The following ATXN7L3 variants were observed in gnomAD, a reference collection of about 807,000 sequenced individuals.
ATXN7L3 encodes the protein ataxin-7-like protein 3.
In ATXN7L3, 6 loss-of-function variants were observed where a neutral mutation model predicts 50.0. The ratio of observed to expected loss-of-function variants is 0.12; its 90% CI spans 0.07 to 0.24. The LOEUF (loss-of-function observed/expected upper bound fraction) is 0.24. Ranked by LOEUF, ATXN7L3 falls within the 10% of genes least tolerant of loss-of-function variation. The pLI, the probability that ATXN7L3 is intolerant of heterozygous loss-of-function variation, is 1.00. For synonymous variants in ATXN7L3, 198 were observed against 165.8 expected, an observed-to-expected ratio of 1.19 and a Z score of -1.49; for missense variants, 322 against 451.3, an observed-to-expected ratio of 0.71 and a Z score of 2.60.
rs1374024496 is a variant in ATXN7L3, at chr17:44,192,478, C to T, written c.*1785G>A. 6.6e-6 allele frequency: 1 copy of T among 152,154 alleles called. No homozygotes were observed. Among genetic ancestry groups the T allele is most frequent in the African/African-American group, 2.4e-5 (1 of 41,426 alleles). The allele number at this position is 152,154 out of a possible 1,614,324, so 9.4% of individuals were successfully genotyped here. ...CTCAGAAGGGAGAGTGGCCCACAGC[C>T]TTCCTCCCTTCACCTTCAGCCCACT... On this transcript the variant is annotated 3_prime_UTR_variant, in exon 13 of 13. Transcript: ENST00000587097.
rs1169503999 is a variant in ATXN7L3 at position 44,199,875 on chromosome 17, G to A, written c.-440C>T. 1 of 149,076 alleles carries A rather than the reference G, an allele frequency of 6.7e-6. No homozygotes were observed. Among genetic ancestry groups the A allele is most frequent in the East Asian group, 2.0e-4 (1 of 4,908 alleles). The allele number at this position is 149,076 out of a possible 1,614,324, so 9.2% of individuals were successfully genotyped here. ...CGACCGGAGGATGGATGGATGGAGC[G>A]AGCGTGAACGCGAGCGTGCGCGCGC... On this transcript the variant is annotated 5_prime_UTR_variant, in exon 1 of 13. Coordinates refer to ENST00000587097, the MANE Select transcript of ATXN7L3 (RefSeq NM_001382309.1).
chr17:44,195,761 G>C, intron 8 of ATXN7L3, 39 bp downstream of exon 8: 3 of 1,569,240 alleles, frequency 1.9e-6, no homozygotes, highest in Non-Finnish European at 2.6e-6. Flanking sequence ...CTCACAACCA[G>C]GACAATGAGA....
chr17:44,197,410 G>A lies in ATXN7L3; in HGVS notation c.185-11C>T, dbSNP rs2055947340. ...GCTGGTCCACGATCTCTGGGGACAG[G>A]AGAGGCTGGCGATCAGGGTGGGCAG... On this transcript the variant is annotated splice_polypyrimidine_tract_variant and intron_variant, in intron 3 of 12. Coordinates refer to ENST00000587097, the MANE Select transcript of ATXN7L3 (RefSeq NM_001382309.1). 6.3e-7 allele frequency: 1 copy of A among 1,587,132 alleles called. No homozygotes were observed. Among genetic ancestry groups the A allele is most frequent in the African/African-American group, 1.3e-5 (1 of 74,496 alleles).
intron 1 of ATXN7L3, chr17:44,198,463 C>CTTG (rs1328371341): frequency 5.0e-6 from 1 of 199,356 alleles, no homozygotes; most frequent in Non-Finnish European, 1.0e-5. Flanking sequence ...AACTCCAAGG[C>CTTG]CTCAAAGCAA....
At chr17:44,194,461 G>A (rs373510314) in intron 12 of ATXN7L3, 50 bp from the exon 13 acceptor site, 21 of 1,613,194 alleles carry the variant, frequency 1.3e-5, no homozygotes, top group Admixed American at 6.7e-5. Context: ...GGCAGGAGAG[G>A]TGGCACCCCC....
At position 44,193,719 on chromosome 17, in the gene ATXN7L3, C is replaced by T. The variant is rs1330805986; in HGVS notation, c.*544G>A. The T allele has an allele frequency of 6.5e-6, 1 of 154,974 alleles. No individual in the cohort carries two copies. Among genetic ancestry groups the T allele is most frequent in the Non-Finnish European group, 1.4e-5 (1 of 69,874 alleles). 9.6% of individuals were successfully genotyped at this position (154,974 alleles called of 1,614,324 possible). On this transcript the variant is annotated 3_prime_UTR_variant, in exon 13 of 13. Coordinates refer to ENST00000587097, the MANE Select transcript of ATXN7L3 (RefSeq NM_001382309.1). ...CACCTCAGCAGACAGCACTCTGTGC[C>T]TGCCTACCCCTGGGACTGGGGGCAT...
At chr17:44,195,574 CCTTT>C (rs1417349143) in intron 8 of ATXN7L3, 87 bp from the exon 9 acceptor site, 10 of 1,420,408 alleles carry the variant, frequency 7.0e-6, no homozygotes, top group Admixed American at 6.9e-5. Context: ...CCCTCTGGTC[CCTTT>C]CTAAGTGAGG....
At chr17:44,197,939 C>G in intron 2 of ATXN7L3, 81 bp downstream of exon 2, 1 of 1,554,208 alleles carries the variant, frequency 6.4e-7, no homozygotes, top group Non-Finnish European at 8.9e-7. Flanking sequence ...TACCCAAATT[C>G]CTCTTTGGTG....
chr17:44,196,226 T>TCCCCCCCCCCCCCCAGGCCCCC, intron 6 of ATXN7L3, 147 bp from the exon 7 acceptor site: 1 of 737,704 alleles, frequency 1.4e-6, no homozygotes, highest in Non-Finnish European at 2.1e-6. Flanking sequence ...CCATGTGCCC[T>TCCCCCCCCCCCCCCAGGCCCCC]CCCCCACCCC....
rs1292541545 is a variant in ATXN7L3 at position 44,199,692 on chromosome 17, CTCCCT to C, written c.-262_-258del. On this transcript the variant is annotated 5_prime_UTR_variant, in exon 1 of 13. Transcript: ENST00000587097. ...CACCGGGCGGCCATGGCCCCTTCCCCTCCCTTCTTGTCCCGTCGCCGCCTCCTCCT... is the reference window on the plus strand; with the variant it reads ...CACCGGGCGGCCATGGCCCCTTCCCCTCTTGTCCCGTCGCCGCCTCCTCCT... The C allele has an allele frequency of 6.9e-6, 1 of 143,958 alleles. No individual in the cohort carries two copies. Among genetic ancestry groups the C allele is most frequent in the Non-Finnish European group, 1.6e-5 (1 of 64,406 alleles). The allele number at this position is 143,958 out of a possible 1,614,324, so 8.9% of individuals were successfully genotyped here. A position where few individuals can be genotyped will look rare whatever the true frequency, so the allele number is the denominator to read the frequency against.
chr17:44,196,195 C>A (rs1433007161), intron 6 of ATXN7L3, 116 bp from the exon 7 acceptor site: 1 of 1,340,356 alleles, frequency 7.5e-7, no homozygotes, highest in Non-Finnish European at 1.1e-6. Context: ...ACTCTTCCTC[C>A]CCAGTAGGAG....
Position 44,194,662 on chromosome 17 carries a change from C to T in ATXN7L3, c.750G>A (p.Glu250=), listed in dbSNP as rs1439974298. Residue 250 remains glutamate (E), a synonymous_variant, in exon 12 of 13, where the codon GAG becomes GAA. Transcript: ENST00000587097. ...YFLGPSAVLP[E]VESSLDNDSF... is the part of the protein sequence containing the mutation. The stretch of plus-strand genomic sequence containing the variant: ...TGTCATTATCCAGGGAGCTCTCGAC[C>T]TCTGGAAGGACACTGGAAAGGGGAT... 5 of 1,614,150 alleles carry T rather than the reference C, an allele frequency of 3.1e-6. No individual in the cohort carries two copies. The highest frequency in any genetic ancestry group is 2.5e-6 in the Non-Finnish European group (3 of 1,180,008).
At chr17:44,196,852 T>A in intron 5 of ATXN7L3, 77 bp downstream of exon 5, 1 of 974,912 alleles carries the variant, frequency 1.0e-6, no homozygotes. Flanking sequence ...AGGCAACAAT[T>A]TGTGACCACT....
Position 44,197,032 on chromosome 17 carries a change from A to G in ATXN7L3, c.357-6T>C. ...TATTGTTGCTATTGGCAATCCTGCC[A>G]AGGGGAGGGAAGAGAAAGGGGCCAA... is the stretch of plus-strand genomic sequence containing the variant. On this transcript the variant is annotated splice_region_variant and splice_polypyrimidine_tract_variant and intron_variant, in intron 4 of 12. Transcript: ENST00000587097. 1 of 1,606,190 alleles carries G rather than the reference A, an allele frequency of 6.2e-7. No individual in the cohort carries two copies. Among genetic ancestry groups the G allele is most frequent in the East Asian group, 2.2e-5 (1 of 44,788 alleles).
Position 44,196,017 on chromosome 17 carries a change from G to A in ATXN7L3, c.523+17C>T. The A allele has an allele frequency of 1.2e-6, 2 of 1,605,894 alleles. No homozygotes were observed. Among genetic ancestry groups the A allele is most frequent in the Non-Finnish European group, 1.7e-6 (2 of 1,173,152 alleles). On this transcript the variant is annotated intron_variant, in intron 7 of 12. Transcript: ENST00000587097. The stretch of plus-strand genomic sequence containing the variant: ...AGACACAGCTAGAAGCATTCCCATT[G>A]CTCCGGCTCCACTTACCATTTTTGT...
Position 44,197,225 on chromosome 17 carries a change from C to T in ATXN7L3, c.356+3G>A, listed in dbSNP as rs2055942734. ...AGAGAACGGGCAGCTCTGGTTCCCTCACCGGCGGTTGGCGATTCGGCTGCT... is the reference window on the plus strand; with the variant it reads ...AGAGAACGGGCAGCTCTGGTTCCCTTACCGGCGGTTGGCGATTCGGCTGCT... On this transcript the variant is annotated splice_donor_region_variant and intron_variant, in intron 4 of 12. Transcript: ENST00000587097. 1 of 1,587,496 alleles carries T rather than the reference C, an allele frequency of 6.3e-7. No homozygotes were observed. Among genetic ancestry groups the T allele is most frequent in the Non-Finnish European group, 8.6e-7 (1 of 1,164,064 alleles).
Position 44,195,287 on chromosome 17 carries a change from G to A in ATXN7L3, c.621+132C>T. On this transcript the variant is annotated intron_variant, in intron 9 of 12. Transcript: ENST00000587097. The stretch of plus-strand genomic sequence containing the variant: ...ATGGTCCCAGGACACTATGGGCCGG[G>A]AAACCTAATTCCAGACAGAGAGAAC... 3.7e-6 allele frequency: 5 copies of A among 1,359,630 alleles called. No individual in the cohort carries two copies. In the East Asian group the frequency reaches 9.2e-5, roughly 25 times the overall value. 84.2% of individuals were successfully genotyped at this position (1,359,630 alleles called of 1,614,324 possible).
At chr17:44,198,341 T>A (rs2055999196) in intron 1 of ATXN7L3, 1 of 443,572 alleles carries the variant, frequency 2.3e-6, no homozygotes, top group Non-Finnish European at 4.0e-6. Context: ...GGCCCTGGAC[T>A]CCACTGCCAA....
chr17:44,198,327 C>A (rs567626248), intron 1 of ATXN7L3, 197 bp from the exon 2 acceptor site: 7 of 479,090 alleles, frequency 1.5e-5, no homozygotes, highest in African/African-American at 9.9e-5. Flanking sequence ...CAGGCCTGAG[C>A]TCAGGCCCTG....
Sources: gnomAD v4.1 joint callset for allele counts on GRCh38, gnomAD v4.1.1 for gene constraint, MANE v1.5 for transcripts, NCBI Gene and HGNC (gene_info 2026-07-23, HGNC 2026-07-21) for gene names.